Variants in PDE4C observed in about 807,000 individuals in gnomAD.
The protein encoded by PDE4C is phosphodiesterase 4C, also known as 3',5'-cyclic-AMP phosphodiesterase 4C.
In PDE4C, 50 loss-of-function variants were observed where a neutral mutation model predicts 63.9. The observed-to-expected ratio is 0.78, with a 90% confidence interval of 0.62 to 0.99. The LOEUF is 0.99. Among genes scored for constraint, PDE4C ranks in the 50% least tolerant of loss-of-function variants. The pLI is 0.00. For missense variants in PDE4C, 777 were observed against 899.1 expected, an observed-to-expected ratio of 0.86 and a Z score of 1.74; for synonymous variants, 377 against 385.1, an observed-to-expected ratio of 0.98 and a Z score of 0.25.
At chr19:18,218,469 G>T (rs1968308381) in exon 10 of PDE4C, 2 of 1,614,214 alleles carry the variant, frequency 1.2e-6, no homozygotes, top group Admixed American at 3.3e-5. Context: ...TGTCTGCTGG[G>T]ATCTGGAATG....
chr19:18,242,106 GGGAACAGCATACCAGGCAGAA>G (rs1329779981), intron 1 of PDE4C, among the ~76,000 whole-genome samples: 1 of 152,098 alleles, frequency 6.6e-6, no homozygotes, highest in African/African-American at 2.4e-5. Context: ...AGAAAGATAG[GGGAACAGCATACCAGGCAGAA>G]GGAACAGCAC....
At chr19:18,212,757 C>T (rs1321982161) in intron 13 of PDE4C, among the ~76,000 whole-genome samples, 1 of 151,212 alleles carries the variant, frequency 6.6e-6, no homozygotes, top group Non-Finnish European at 1.5e-5. Flanking sequence ...GGGGTGATTT[C>T]GGCTCACTGC....
upstream of PDE4C, among the ~76,000 whole-genome samples, chr19:18,231,189 C>T (rs1968840680): frequency 1.3e-5 from 2 of 152,222 alleles, no homozygotes; most frequent in African/African-American, 4.8e-5. Flanking sequence ...GAACCCCTAC[C>T]CTCATATCAG....
At chr19:18,237,322 C>T (rs1330262135), upstream of PDE4C, among the ~76,000 whole-genome samples, 6 of 151,922 alleles carry the variant, frequency 3.9e-5, no homozygotes, top group Admixed American at 6.6e-5. Context: ...GAGGCCAAGG[C>T]GGGAGGATCA....
chr19:18,237,781 G>A (rs1359909514), upstream of PDE4C, among the ~76,000 whole-genome samples: 1 of 148,934 alleles, frequency 6.7e-6, no homozygotes, highest in African/African-American at 2.5e-5. Context: ...GCTGAGGCAG[G>A]AGAATAGTGT....
exon 1 of PDE4C, chr19:18,226,270 C>T (rs1968715501): frequency 1.9e-6 from 3 of 1,560,870 alleles, no homozygotes; most frequent in East Asian, 2.4e-5. Flanking sequence ...CCAGCCTCAC[C>T]ACAGCGGATG....
chr19:18,220,340 A>AGACCGTGAT lies in PDE4C; in HGVS notation c.613-30_613-22dup. 6.2e-7 allele frequency: 1 copy of AGACCGTGAT among 1,613,820 alleles called. No individual in the cohort carries two copies. Among genetic ancestry groups the AGACCGTGAT allele is most frequent in the Non-Finnish European group, 8.5e-7 (1 of 1,179,742 alleles). On this transcript the variant is annotated intron_variant, in intron 6 of 14. Coordinates refer to ENST00000262805, the Ensembl canonical transcript of PDE4C. This position sits in a 1 kb window ranked among gnomAD's most constrained non-coding sequence, Gnocchi z 5.1. ...TTGAACTGGGGCGGAGAGAAGGTGA[A>AGACCGTGAT]GACCGTGATGATGGGGCACCGTGGG...
chr19:18,238,463 C>T (rs545607305), upstream of PDE4C, among the ~76,000 whole-genome samples: 69 of 151,808 alleles, frequency 4.5e-4, no homozygotes, highest in African/African-American at 1.6e-3. Context: ...GTCTCGAACT[C>T]CTGACCTCAA....
At chr19:18,248,058 A>G (rs1969161531) in intron 1 of PDE4C, 1 of 396,230 alleles carries the variant, frequency 2.5e-6, no homozygotes, top group African/African-American at 2.1e-5. Flanking sequence ...TTCAGCTCCC[A>G]GAGTGGCTCT....
chr19:18,253,239 T>C, the PDE4C span, among the ~76,000 whole-genome samples: 7 of 152,234 alleles, frequency 4.6e-5, no homozygotes, highest in South Asian at 2.1e-4. Context: ...GTCAGGTTCA[T>C]AGTGGGTGTA....
upstream of PDE4C, among the ~76,000 whole-genome samples, chr19:18,249,276 TTTTG>T (rs1293747035): frequency 3.9e-5 from 6 of 151,906 alleles, no homozygotes; most frequent in South Asian, 2.1e-4. Context: ...GCACCCCCAG[TTTTG>T]TTTGTTTGTT....
chr19:18,216,183 C>A (rs868164230), intron 12 of PDE4C, among the ~76,000 whole-genome samples: 1 of 151,386 alleles, frequency 6.6e-6, no homozygotes, highest in Non-Finnish European at 1.5e-5. Context: ...ACCCCAGAAA[C>A]GGTTTCCACA....
At chr19:18,213,756 C>G (rs111372500) in intron 12 of PDE4C, among the ~76,000 whole-genome samples, 1 of 152,106 alleles carries the variant, frequency 6.6e-6, no homozygotes, top group Admixed American at 6.5e-5. Flanking sequence ...CAAATCTGTG[C>G]GCCTGGGACT....
At chr19:18,224,055 T>C (rs1156741391) in intron 1 of PDE4C, among the ~76,000 whole-genome samples, 1 of 152,200 alleles carries the variant, frequency 6.6e-6, no homozygotes, top group Non-Finnish European at 1.5e-5. Flanking sequence ...GCCTGTTATC[T>C]TCCACCTCCG....
exon 12 of PDE4C, chr19:18,216,869 C>T (rs1456454360): frequency 1.2e-6 from 2 of 1,613,818 alleles, no homozygotes; most frequent in Non-Finnish European, 1.7e-6. Context: ...ACCGAGGCGT[C>T]GTTGTACATA....
Position 18,214,881 on chromosome 19 carries a change from G to A in PDE4C, c.1390-1391C>T, listed in dbSNP as rs1048435249. Among the ~76,000 whole-genome samples, 58 of 150,994 alleles carry A rather than the reference G, an allele frequency of 3.8e-4. 2 individuals are homozygous for A. The highest frequency in any genetic ancestry group is 1.5e-4 in the Non-Finnish European group (10 of 67,834). ...GGAGAATCACTTGAACCCAGGAGGT[G>A]GAGGTTGCAGTGAGCCAGGATCACA... On this transcript the variant is annotated intron_variant, in intron 12 of 14. Transcript: ENST00000262805.
In PDE4C at chr19:18,221,405, G is replaced by C. The variant is rs574916337; in HGVS notation, c.339-108C>G. On this transcript the variant is annotated intron_variant, in intron 2 of 14. Coordinates refer to ENST00000262805, the Ensembl canonical transcript of PDE4C. ...TCCTGCTCTCAGGACTTCTCCTCCA[G>C]GCTCCTTCTTAGTCCCTGGGGTCCC... The C allele has an allele frequency of 5.0e-5, 60 of 1,188,760 alleles. No individual in the cohort carries two copies. The African/African-American group carries it at 8.1e-4, about 16-fold the overall frequency. The allele number at this position is 1,188,760 out of a possible 1,614,324, so 73.6% of individuals were successfully genotyped here. A position where few individuals can be genotyped will look rare whatever the true frequency, so the allele number is the denominator to read the frequency against.
upstream of PDE4C, among the ~76,000 whole-genome samples, chr19:18,230,596 T>G (rs562585771): frequency 2.0e-5 from 3 of 152,346 alleles, no homozygotes; most frequent in South Asian, 6.2e-4. Context: ...GCTCCTCACA[T>G]GCCTGATCCT....
intron 1 of PDE4C, among the ~76,000 whole-genome samples, chr19:18,241,262 T>G (rs1333691661): frequency 5.3e-5 from 2 of 38,086 alleles, no homozygotes; most frequent in Non-Finnish European, 4.8e-5. Context: ...CTTGTTTTTT[T>G]TTTTTTTTTT....
Sources: gnomAD v4.1 joint callset for allele counts (sites outside exome capture counted in the v4.1 genomes callset) on GRCh38, gnomAD v4.1.1 for gene constraint, Gnocchi (gnomAD v3.1) non-coding constraint, MANE v1.5 for transcripts, NCBI Gene and HGNC (gene_info 2026-07-23, HGNC 2026-07-21) for gene names.